Variants in CDH12 observed in about 807,000 individuals in gnomAD.
The protein encoded by CDH12 is cadherin-12.
In CDH12, 41 loss-of-function variants were observed where a neutral mutation model predicts 74.1. That is an observed-to-expected ratio of 0.55 (90% CI 0.43 to 0.72). The LOEUF is 0.72. CDH12 is among the 30% of genes least tolerant of loss of function. The pLI is 0.00. For synonymous variants in CDH12, 399 were observed against 355.0 expected (o/e 1.12, Z -1.39); for missense variants, 945 against 977.2 (o/e 0.97, Z 0.44).
intron 2 of CDH12, among the ~76,000 whole-genome samples, chr5:22,473,886 G>A (rs1298523667): frequency 6.6e-6 from 1 of 152,102 alleles, no homozygotes; most frequent in Non-Finnish European, 1.5e-5. Context: ...AAGTTGGGTT[G>A]AAATTCAATC....
intron 1 of CDH12, among the ~76,000 whole-genome samples, chr5:22,609,770 C>A (rs1402498832): frequency 6.6e-6 from 1 of 152,142 alleles, no homozygotes; most frequent in South Asian, 2.1e-4. Flanking sequence ...CTTAAGTCTT[C>A]GGTAAAGTGT....
At chr5:21,813,654 C>T (rs1259850377) in intron 9 of CDH12, among the ~76,000 whole-genome samples, 1 of 152,148 alleles carries the variant, frequency 6.6e-6, no homozygotes, top group African/African-American at 2.4e-5. Flanking sequence ...CACTTCATTC[C>T]AGCCCCACTG....
At chr5:22,826,592 C>G (rs1346569981) in intron 1 of CDH12, among the ~76,000 whole-genome samples, 1 of 152,052 alleles carries the variant, frequency 6.6e-6, no homozygotes, top group African/African-American at 2.4e-5. Flanking sequence ...GGCTTTGACA[C>G]AAATGCTGAT....
intron 1 of CDH12, among the ~76,000 whole-genome samples, chr5:22,767,482 A>C (rs971023659): frequency 1.3e-5 from 2 of 151,970 alleles, no homozygotes; most frequent in Non-Finnish European, 2.9e-5. Flanking sequence ...GAGTCCACTG[A>C]GTGGTAAAAT....
At chr5:22,385,868 G>A (rs1429506876) in intron 3 of CDH12, among the ~76,000 whole-genome samples, 1 of 151,320 alleles carries the variant, frequency 6.6e-6, no homozygotes, top group Non-Finnish European at 1.5e-5. Flanking sequence ...GGGAGAGAAG[G>A]TGGAATGGCT....
intron 4 of CDH12, among the ~76,000 whole-genome samples, chr5:22,102,406 C>G (rs113459087): frequency 6.6e-6 from 1 of 152,232 alleles, no homozygotes; most frequent in Admixed American, 6.5e-5. Flanking sequence ...CGGTGGCTCA[C>G]GCCTGTTATC....
Position 22,694,281 on chromosome 5 carries a change from C to T in CDH12, c.-523+158777G>A, listed in dbSNP as rs187712545. Among the ~76,000 whole-genome samples the T allele has an allele frequency of 3.1e-3, 471 of 152,254 alleles. 4 individuals are homozygous for T. The highest frequency in any genetic ancestry group is 0.011 in the African/African-American group (454 of 41,552). On this transcript the variant is annotated intron_variant, in intron 1 of 14. Coordinates refer to ENST00000382254, the MANE Select transcript of CDH12 (RefSeq NM_004061.5). ...ATCATCAACTTAAAATAACAAATTGCTTTTGAGAATGATCACATTTTCTTT... is the reference window on the plus strand; with the variant it reads ...ATCATCAACTTAAAATAACAAATTGTTTTTGAGAATGATCACATTTTCTTT...
intron 2 of CDH12, among the ~76,000 whole-genome samples, chr5:22,433,451 C>T (rs1001770013): frequency 4.6e-5 from 7 of 151,828 alleles, no homozygotes; most frequent in African/African-American, 9.7e-5. Flanking sequence ...GATATTAAAA[C>T]GTATAGGGAT....
intron 3 of CDH12, among the ~76,000 whole-genome samples, chr5:22,236,364 G>A (rs1340065122): frequency 6.6e-6 from 1 of 152,068 alleles, no homozygotes; most frequent in Non-Finnish European, 1.5e-5. Flanking sequence ...AATATTTTAT[G>A]TCCTTATTCT....
At chr5:22,682,338 G>A (rs1288092346) in intron 1 of CDH12, among the ~76,000 whole-genome samples, 1 of 152,056 alleles carries the variant, frequency 6.6e-6, no homozygotes, top group Admixed American at 6.6e-5. Flanking sequence ...AATAGTGCTA[G>A]TAAAACTTTT....
At chr5:22,182,251 T>C (rs1313415030) in intron 4 of CDH12, among the ~76,000 whole-genome samples, 1 of 152,148 alleles carries the variant, frequency 6.6e-6, no homozygotes, top group Non-Finnish European at 1.5e-5. Flanking sequence ...TTCCTTTTTT[T>C]CTAACCTAGC....
chr5:22,558,356 G>A (rs1482621375), intron 1 of CDH12, among the ~76,000 whole-genome samples: 2 of 152,096 alleles, frequency 1.3e-5, no homozygotes, highest in African/African-American at 2.4e-5. Flanking sequence ...GGAAGAAGAG[G>A]TTGTTGGGTG....
chr5:22,609,499 C>G (rs1737288075), intron 1 of CDH12, among the ~76,000 whole-genome samples: 5 of 152,142 alleles, frequency 3.3e-5, no homozygotes. Context: ...ATTCTTAGCT[C>G]AGTGCTCAGA....
At chr5:22,624,920 T>G (rs547494935) in intron 1 of CDH12, among the ~76,000 whole-genome samples, 10 of 152,152 alleles carry the variant, frequency 6.6e-5, no homozygotes, top group African/African-American at 2.4e-4. Context: ...CAAATGTCCA[T>G]CAATGATAGA....
At chr5:22,125,314 T>C (rs1745788597) in intron 4 of CDH12, among the ~76,000 whole-genome samples, 1 of 152,130 alleles carries the variant, frequency 6.6e-6, no homozygotes, top group Admixed American at 6.5e-5. Flanking sequence ...CCTGTGTCCA[T>C]TTGTTCTCAC....
At chr5:21,799,420 G>A (rs1339656408) in intron 10 of CDH12, among the ~76,000 whole-genome samples, 14 of 152,086 alleles carry the variant, frequency 9.2e-5, no homozygotes, top group Admixed American at 5.9e-4. Flanking sequence ...AGCCCCGTCC[G>A]TGTTCCAAAA....
At chr5:22,363,005 A>T (rs924741115) in intron 3 of CDH12, among the ~76,000 whole-genome samples, 1 of 150,094 alleles carries the variant, frequency 6.7e-6, no homozygotes, top group African/African-American at 2.4e-5. Context: ...TGGGTGCAGC[A>T]CACCAACATG....
At chr5:22,775,039 A>G (rs1282392045) in intron 1 of CDH12, among the ~76,000 whole-genome samples, 1 of 151,124 alleles carries the variant, frequency 6.6e-6, no homozygotes, top group Non-Finnish European at 1.5e-5. Context: ...ATATCTATAT[A>G]TATGTGAAAT....
At chr5:22,808,585 ATTTTCTTTTC>A (rs1049398557) in intron 1 of CDH12, among the ~76,000 whole-genome samples, 1 of 139,842 alleles carries the variant, frequency 7.2e-6, no homozygotes, top group Non-Finnish European at 1.5e-5. Context: ...ACTTGCATAG[ATTTTCTTTTC>A]TTTTCTTGTC....
Sources: gnomAD v4.1 joint callset for allele counts (sites outside exome capture counted in the v4.1 genomes callset) on GRCh38, gnomAD v4.1.1 for gene constraint, MANE v1.5 for transcripts, NCBI Gene and HGNC (gene_info 2026-07-23, HGNC 2026-07-21) for gene names.